Variants in MBNL2 observed in about 807,000 individuals in gnomAD.
MBNL2 encodes muscleblind like splicing regulator 2.
Under a neutral mutation model 41.9 loss-of-function variants are expected in MBNL2, and 17 were observed. That is an observed-to-expected ratio of 0.41 (90% CI 0.28 to 0.61). The LOEUF (loss-of-function observed/expected upper bound fraction) is 0.61, where lower values mean the gene tolerates loss of function less well. MBNL2 is among the 20% of genes least tolerant of loss of function. The pLI is 0.35. For synonymous variants in MBNL2, 195 were observed against 182.9 expected (o/e 1.07, Z -0.53); for missense variants, 336 against 505.6 (o/e 0.66, Z 3.22).
chr13:97,364,590 A>G (rs2063701627), intron 7 of MBNL2, among the ~76,000 whole-genome samples: 1 of 152,194 alleles, frequency 6.6e-6, no homozygotes, highest in Admixed American at 6.5e-5. Flanking sequence ...TTATTTTCAT[A>G]CCGTTGGTGA....
chr13:97,376,460 C>A (rs1455107450), intron 8 of MBNL2, among the ~76,000 whole-genome samples: 1 of 152,176 alleles, frequency 6.6e-6, no homozygotes, highest in Non-Finnish European at 1.5e-5. Context: ...GCTAATCTAG[C>A]AGTTAGAATT....
intron 3 of MBNL2, among the ~76,000 whole-genome samples, chr13:97,336,616 A>G (rs2060905717): frequency 6.6e-6 from 1 of 152,148 alleles, no homozygotes; most frequent in African/African-American, 2.4e-5. Flanking sequence ...CAACCACCAG[A>G]AGATGGAAGA....
the MBNL2 span, among the ~76,000 whole-genome samples, chr13:97,185,545 G>A: frequency 2.2e-4 from 33 of 152,312 alleles, no homozygotes; most frequent in African/African-American, 7.9e-4. Context: ...CCTGATAAGA[G>A]GGAGATAAGA....
At chr13:97,258,206 C>G (rs559726004) in intron 1 of MBNL2, among the ~76,000 whole-genome samples, 2 of 151,440 alleles carry the variant, frequency 1.3e-5, no homozygotes, top group East Asian at 3.9e-4. Context: ...GCTTTGTTGC[C>G]AGGGTTTTTT....
At chr13:97,144,234 C>A in the MBNL2 span, among the ~76,000 whole-genome samples, 1 of 152,054 alleles carries the variant, frequency 6.6e-6, no homozygotes, top group African/African-American at 2.4e-5. Context: ...GCCTTAGCAG[C>A]AACAGCTGGG....
At chr13:97,239,701 G>A (rs148874273) in intron 1 of MBNL2, among the ~76,000 whole-genome samples, 6 of 152,332 alleles carry the variant, frequency 3.9e-5, no homozygotes, top group East Asian at 1.9e-4. Flanking sequence ...TGAGATACGT[G>A]AACTGTGAGT....
the MBNL2 span, among the ~76,000 whole-genome samples, chr13:97,201,082 G>A: frequency 1.3e-5 from 2 of 151,042 alleles, no homozygotes; most frequent in Admixed American, 6.6e-5. Context: ...AGAAGAAGAA[G>A]AAAAAAAAAC....
intron 8 of MBNL2, among the ~76,000 whole-genome samples, chr13:97,374,063 ATTTTTTTTTTTTTTTTT>A (rs61185219): frequency 1.6e-5 from 1 of 63,128 alleles, no homozygotes; most frequent in Non-Finnish European, 3.1e-5. Context: ...CCTCCTTTGC[ATTTTTTTTTTTTTTTTT>A]TTTTTTTTTT....
chr13:97,257,284 C>A (rs1201721550), intron 1 of MBNL2, among the ~76,000 whole-genome samples: 3 of 151,934 alleles, frequency 2.0e-5, no homozygotes, highest in Admixed American at 2.0e-4. Context: ...TTGAAGCCTG[C>A]ACGTAGGAAC....
chr13:97,184,982 A>C, the MBNL2 span, among the ~76,000 whole-genome samples: 1 of 152,228 alleles, frequency 6.6e-6, no homozygotes, highest in Non-Finnish European at 1.5e-5. Flanking sequence ...GTTTCTAATG[A>C]AACAACAATT....
chr13:97,345,569 C>T (rs543678089), intron 4 of MBNL2, among the ~76,000 whole-genome samples: 1 of 152,116 alleles, frequency 6.6e-6, no homozygotes, highest in African/African-American at 2.4e-5. Context: ...TTTTCTTTCT[C>T]TATATCTCTT....
chr13:97,366,813 A>G lies in MBNL2; in HGVS notation c.1048+1642A>G. The G allele has an allele frequency of 2.0e-6, 1 of 504,934 alleles. No individual in the cohort carries two copies. The highest frequency in any genetic ancestry group is 3.6e-6 in the Non-Finnish European group (1 of 279,274). The allele number at this position is 504,934 out of a possible 1,614,324, so 31.3% of individuals were successfully genotyped here. A position where few individuals can be genotyped will look rare whatever the true frequency, so the allele number is the denominator to read the frequency against. On this transcript the variant is annotated intron_variant, in intron 8 of 8. Transcript: ENST00000679496. The surrounding 1 kb of genome is among the most constrained non-coding windows in gnomAD (Gnocchi z 4.7). ...ATTGTGTAATTAACCTGACAGGCTT[A>G]AATTCCTTTTAGTACAGCATTACCT...
At chr13:97,163,226 C>A in the MBNL2 span, among the ~76,000 whole-genome samples, 1 of 151,942 alleles carries the variant, frequency 6.6e-6, no homozygotes, top group Non-Finnish European at 1.5e-5. Context: ...TTTTTTTTCT[C>A]CAGGCTATAA....
chr13:97,290,370 A>G (rs1003627011), intron 2 of MBNL2, among the ~76,000 whole-genome samples: 1 of 152,184 alleles, frequency 6.6e-6, no homozygotes, highest in Non-Finnish European at 1.5e-5. Flanking sequence ...GTGACAAAAA[A>G]AAATCAGCAG....
At position 97,346,429 on chromosome 13, in the gene MBNL2, G is replaced by T. The variant is rs2061874926; in HGVS notation, c.541-375G>T. 6.6e-6 allele frequency among the ~76,000 whole-genome samples: 1 copy of T among 152,078 alleles called. No individual in the cohort carries two copies. On this transcript the variant is annotated intron_variant, in intron 4 of 8. Coordinates refer to ENST00000679496, the MANE Select transcript of MBNL2 (RefSeq NM_001382683.1). The surrounding 1 kb of genome is among the most constrained non-coding windows in gnomAD (Gnocchi z 4.2). Reference sequence around the variant, plus strand: ...TGATAGATGAAGGAATGGATGCATGGATAAATAGATAGATGATAGATATAT... The same window carrying T: ...TGATAGATGAAGGAATGGATGCATGTATAAATAGATAGATGATAGATATAT...
chr13:97,206,252 C>A, the MBNL2 span, among the ~76,000 whole-genome samples: 1 of 151,740 alleles, frequency 6.6e-6, no homozygotes, highest in Non-Finnish European at 1.5e-5. Context: ...GATTTTTTTT[C>A]TTTTTTCTGT....
chr13:97,171,329 A>C, the MBNL2 span, among the ~76,000 whole-genome samples: 1 of 152,116 alleles, frequency 6.6e-6, no homozygotes, highest in Non-Finnish European at 1.5e-5. Flanking sequence ...GCCAAAAGCC[A>C]CACCATTTGT....
In MBNL2 at chr13:97,392,334, G is replaced by C. The variant is rs1230011107; in HGVS notation, c.*885G>C. The C allele has an allele frequency of 2.0e-5, 3 of 152,688 alleles. No homozygotes were observed. Among genetic ancestry groups the C allele is most frequent in the East Asian group, 3.9e-4 (2 of 5,186 alleles). The allele number at this position is 152,688 out of a possible 1,614,324, so 9.5% of individuals were successfully genotyped here. A position where few individuals can be genotyped will look rare whatever the true frequency, so the allele number is the denominator to read the frequency against. On this transcript the variant is annotated 3_prime_UTR_variant, in exon 9 of 9. Transcript: ENST00000679496. ...ATAATATTCTAATTTAAGTAAGTTT[G>C]AGTTTAGTCACTGCAAATTTGACTG...
rs1376640443 is a variant in MBNL2, at chr13:97,393,791, T to G, written c.*2342T>G. 6.6e-6 allele frequency: 1 copy of G among 152,478 alleles called. No individual in the cohort carries two copies. The highest frequency in any genetic ancestry group is 1.5e-5 in the Non-Finnish European group (1 of 67,972). 9.4% of individuals were successfully genotyped at this position (152,478 alleles called of 1,614,324 possible). A position where few individuals can be genotyped will look rare whatever the true frequency, so the allele number is the denominator to read the frequency against. ...GATGAATAAATCTTAAATGCTTTGT[T>G]TAATTAAAAAACAAAAATCACCAAT... On this transcript the variant is annotated 3_prime_UTR_variant, in exon 9 of 9. Coordinates refer to ENST00000679496, the MANE Select transcript of MBNL2 (RefSeq NM_001382683.1).
Sources: allele counts gnomAD v4.1 joint callset (sites outside exome capture counted in the v4.1 genomes callset), GRCh38; gene constraint gnomAD v4.1.1; non-coding constraint Gnocchi (gnomAD v3.1); transcripts MANE v1.5; gene names NCBI Gene and HGNC (gene_info 2026-07-23, HGNC 2026-07-21).